Variants in LHPP observed in about 807,000 individuals in gnomAD.
LHPP encodes hLHPP.
LHPP carries 24 observed loss-of-function variants against 30.3 expected under a neutral mutation model. The observed-to-expected ratio is 0.79, with a 90% CI of 0.57 to 1.11. The LOEUF is 1.11. Among genes scored for constraint, LHPP ranks in the 50% most tolerant of loss-of-function variants. LHPP has a pLI of 0.00. For missense variants in LHPP, 356 were observed against 367.2 expected, an observed-to-expected ratio of 0.97 and a Z score of 0.25; for synonymous variants, 150 against 157.1, an observed-to-expected ratio of 0.95 and a Z score of 0.34.
At chr10:124,521,614 T>C (rs1441300622) in intron 6 of LHPP, among the ~76,000 whole-genome samples, 2 of 152,194 alleles carry the variant, frequency 1.3e-5, no homozygotes, top group East Asian at 3.9e-4. Context: ...GGCCTTGTCC[T>C]GGGCCCAGGT....
In LHPP at chr10:124,601,529, G is replaced by T. The variant is rs114896076; in HGVS notation, c.717-11735G>T. The stretch of plus-strand genomic sequence containing the variant: ...GTCTCTGGAGACCACCAACCCGCTG[G>T]TGGGCGGCCAAGCGTCACCACCAGT... On this transcript the variant is annotated intron_variant, in intron 6 of 6. Transcript: ENST00000368842. Among the ~76,000 whole-genome samples, 621 of 152,332 alleles carry T rather than the reference G, an allele frequency of 4.1e-3. 5 individuals are homozygous for T. The highest frequency in any genetic ancestry group is 0.014 in the African/African-American group (568 of 41,580).
At chr10:124,512,339 G>C (rs544308815) in intron 5 of LHPP, among the ~76,000 whole-genome samples, 1 of 152,122 alleles carries the variant, frequency 6.6e-6, no homozygotes, top group Non-Finnish European at 1.5e-5. Flanking sequence ...TGTTTAGGCC[G>C]GGCGCGGTGG....
chr10:124,473,994 AG>A (rs1249131230), intron 1 of LHPP, among the ~76,000 whole-genome samples: 1 of 151,998 alleles, frequency 6.6e-6, no homozygotes, highest in South Asian at 2.1e-4. Flanking sequence ...TTTTTTTTTA[AG>A]TTTTTGTTTT....
intron 6 of LHPP, among the ~76,000 whole-genome samples, chr10:124,533,638 C>A (rs923167400): frequency 6.6e-6 from 1 of 152,244 alleles, no homozygotes; most frequent in African/African-American, 2.4e-5. Flanking sequence ...CTCTGTCCTC[C>A]CTTACCCCCG....
intron 6 of LHPP, among the ~76,000 whole-genome samples, chr10:124,602,203 A>G (rs528858503): frequency 2.6e-5 from 4 of 152,316 alleles, no homozygotes; most frequent in African/African-American, 9.6e-5. Flanking sequence ...AACCAGGTTT[A>G]AACCCCAGCT....
chr10:124,554,650 C>CCCAGGTGGGAGGGG (rs1232639622), intron 6 of LHPP, among the ~76,000 whole-genome samples: 2 of 152,184 alleles, frequency 1.3e-5, no homozygotes, highest in South Asian at 4.1e-4. Flanking sequence ...AAGGGGTGGG[C>CCCAGGTGGGAGGGG]CCAGGTGGGA....
chr10:124,496,318 C>A lies in LHPP; in HGVS notation c.468-643C>A, dbSNP rs1378169200. 6.6e-6 allele frequency among the ~76,000 whole-genome samples: 1 copy of A among 152,086 alleles called. No homozygotes were observed. The highest frequency in any genetic ancestry group is 1.5e-5 in the Non-Finnish European group (1 of 68,002). Reference sequence around the variant, plus strand: ...GCCTGGCCGGGCTGCAGCCAGCCACCAAGCCAGCCCTGGGCTCAAAGAGCA... The same window carrying A: ...GCCTGGCCGGGCTGCAGCCAGCCACAAAGCCAGCCCTGGGCTCAAAGAGCA... On this transcript the variant is annotated intron_variant, in intron 3 of 6. Transcript: ENST00000368842. This position sits in a 1 kb window ranked among gnomAD's most constrained non-coding sequence, Gnocchi z 4.3.
In LHPP at chr10:124,590,033, G is replaced by C. The variant is rs972423301; in HGVS notation, c.717-23231G>C. On this transcript the variant is annotated intron_variant, in intron 6 of 6. Coordinates refer to ENST00000368842, the MANE Select transcript of LHPP (RefSeq NM_022126.4). The surrounding 1 kb of genome is among the most constrained non-coding windows in gnomAD (Gnocchi z 4.3). ...CCATCCCACCACTCCACCGCCCCCC[G>C]CCCTTAGAAAAATAAATGCGTGATT... 6.6e-6 allele frequency among the ~76,000 whole-genome samples: 1 copy of C among 151,736 alleles called. No homozygotes were observed. Among genetic ancestry groups the C allele is most frequent in the Non-Finnish European group, 1.5e-5 (1 of 67,940 alleles).
intron 6 of LHPP, among the ~76,000 whole-genome samples, chr10:124,534,875 G>C (rs890941301): frequency 9.9e-5 from 15 of 152,204 alleles, no homozygotes; most frequent in Admixed American, 3.9e-4. Context: ...TCTAGGCCTG[G>C]AAAGGAAAGG....
chr10:124,519,337 T>C (rs1954546041), intron 6 of LHPP, among the ~76,000 whole-genome samples: 3 of 152,244 alleles, frequency 2.0e-5, no homozygotes. Context: ...TTTTGGTTTT[T>C]TCTTTTTATA....
intron 5 of LHPP, among the ~76,000 whole-genome samples, chr10:124,499,012 G>C (rs939160899): frequency 6.6e-6 from 1 of 151,694 alleles, no homozygotes; most frequent in African/African-American, 2.4e-5. Context: ...CTCCTGATGA[G>C]CTGGGACTAC....
intron 6 of LHPP, chr10:124,605,267 C>G (rs964030871): frequency 3.9e-5 from 6 of 152,286 alleles, no homozygotes; most frequent in South Asian, 2.1e-4. Flanking sequence ...AGCTGGGGGC[C>G]TTTGTTTATT....
intron 5 of LHPP, among the ~76,000 whole-genome samples, chr10:124,515,810 A>G (rs933182436): frequency 5.3e-5 from 8 of 152,222 alleles, no homozygotes; most frequent in African/African-American, 1.9e-4. Context: ...GACATAACGC[A>G]GTCCTGCGTG....
At chr10:124,494,184 G>A (rs1401787529) in intron 3 of LHPP, among the ~76,000 whole-genome samples, 2 of 152,058 alleles carry the variant, frequency 1.3e-5, no homozygotes, top group Non-Finnish European at 2.9e-5. Context: ...GGTTTCTTTC[G>A]CTTTCGAAGA....
At chr10:124,542,259 T>C (rs541340776) in intron 6 of LHPP, among the ~76,000 whole-genome samples, 1 of 152,304 alleles carries the variant, frequency 6.6e-6, no homozygotes, top group Admixed American at 6.5e-5. Context: ...CCCCAGGCTG[T>C]GGGACTCAGC....
chr10:124,579,564 A>G (rs1021923566), intron 6 of LHPP, among the ~76,000 whole-genome samples: 11 of 152,212 alleles, frequency 7.2e-5, no homozygotes, highest in South Asian at 2.1e-4. Context: ...CACTTCTGTG[A>G]ACAGCTCTGG....
Position 124,604,088 on chromosome 10 carries a change from G to A in LHPP, c.717-9176G>A, listed in dbSNP as rs116730167. On this transcript the variant is annotated intron_variant, in intron 6 of 6. Transcript: ENST00000368842. The stretch of plus-strand genomic sequence containing the variant: ...CTTGGCTGGATGCACAGGCTCCATG[G>A]GAAGGAGCTCCTGCTCGGGTTTCTT... 6.2e-3 allele frequency among the ~76,000 whole-genome samples: 952 copies of A among 152,338 alleles called. 10 individuals carry two copies. The highest frequency in any genetic ancestry group is 0.021 in the African/African-American group (889 of 41,574).
chr10:124,487,442 CTTTTTT>C (rs140426240), intron 2 of LHPP, among the ~76,000 whole-genome samples: 1 of 107,788 alleles, frequency 9.3e-6, no homozygotes, highest in Non-Finnish European at 1.9e-5. Flanking sequence ...TTCTTTCTTT[CTTTTTT>C]TTTTTTTTTT....
At position 124,580,720 on chromosome 10, in the gene LHPP, T is replaced by C. The variant is rs1466571039; in HGVS notation, c.717-32544T>C. Among the ~76,000 whole-genome samples the C allele has an allele frequency of 4.3e-3, 260 of 59,902 alleles. 3 individuals carry two copies. The Middle Eastern group carries it at 0.074, about 17-fold the overall frequency. 39.3% of individuals were successfully genotyped at this position (59,902 alleles called of 152,430 possible). On this transcript the variant is annotated intron_variant, in intron 6 of 6. Transcript: ENST00000368842. ...TTTTAGAACATTTTCTTTTTTTTTT[T>C]CTTTTTTTTTTTTTTGAGATGGAGT...
Sources: allele counts gnomAD v4.1 joint callset (sites outside exome capture counted in the v4.1 genomes callset), GRCh38; gene constraint gnomAD v4.1.1; non-coding constraint Gnocchi (gnomAD v3.1); transcripts MANE v1.5; gene names NCBI Gene and HGNC (gene_info 2026-07-23, HGNC 2026-07-21).